Variants in STX18 observed in about 807,000 individuals in gnomAD.
STX18 encodes the protein syntaxin 18.
Under a neutral mutation model 50.1 loss-of-function variants are expected in STX18, and 40 were observed. That is an observed-to-expected ratio of 0.80 (90% confidence interval 0.62 to 1.04). STX18 has a LOEUF of 1.04. Ranked by LOEUF, STX18 falls within the 50% of genes least tolerant of loss-of-function variation. The pLI is 0.00. For synonymous variants in STX18, 158 were observed against 151.8 expected (o/e 1.04, Z -0.30); for missense variants, 410 against 415.8 (o/e 0.99, Z 0.12).
At chr4:4,491,594 T>C (rs1184490151) in intron 1 of STX18, among the ~76,000 whole-genome samples, 2 of 152,128 alleles carry the variant, frequency 1.3e-5, no homozygotes, top group Non-Finnish European at 2.9e-5. Context: ...AGTAAGACAC[T>C]GGAAACGATT....
chr4:4,515,147 T>C (rs1010061443), intron 1 of STX18, among the ~76,000 whole-genome samples: 1 of 152,104 alleles, frequency 6.6e-6, no homozygotes, highest in Non-Finnish European at 1.5e-5. Context: ...TTCCAAAGGA[T>C]AGTGAGACCT....
At chr4:4,441,195 T>G (rs1163701432) in intron 5 of STX18, among the ~76,000 whole-genome samples, 1 of 152,194 alleles carries the variant, frequency 6.6e-6, no homozygotes, top group Non-Finnish European at 1.5e-5. Flanking sequence ...CTGGCCATAT[T>G]CTACTGCCCA....
At chr4:4,435,507 C>T (rs1267684537) in intron 6 of STX18, among the ~76,000 whole-genome samples, 1 of 152,112 alleles carries the variant, frequency 6.6e-6, no homozygotes, top group Non-Finnish European at 1.5e-5. Context: ...TGTTCTAAAA[C>T]TTGCTTTGTA....
chr4:4,500,174 A>G (rs376091214), intron 1 of STX18, among the ~76,000 whole-genome samples: 16 of 152,330 alleles, frequency 1.1e-4, no homozygotes, highest in East Asian at 5.8e-4. Flanking sequence ...GCAAAATATA[A>G]GGAGGAAAAT....
intron 1 of STX18, among the ~76,000 whole-genome samples, chr4:4,495,883 G>A (rs1458962430): frequency 6.6e-6 from 1 of 152,110 alleles, no homozygotes; most frequent in Admixed American, 6.5e-5. Context: ...CAGAGCAGTG[G>A]TACTATCTGT....
At position 4,540,682 on chromosome 4, in the gene STX18, G is replaced by A. The variant is rs1344813141; in HGVS notation, c.168+1115C>T. Among the ~76,000 whole-genome samples the A allele has an allele frequency of 1.3e-5, 2 of 152,100 alleles. 1 individual carries two copies. The highest frequency in any genetic ancestry group is 2.9e-5 in the Non-Finnish European group (2 of 68,026). ...CTTTTACATCATATTACTCTAACAC[G>A]AGGCTGGTCAGAAGGTAGGTGCTTC... is the stretch of plus-strand genomic sequence containing the variant. On this transcript the variant is annotated intron_variant, in intron 1 of 10. Coordinates refer to ENST00000306200, the MANE Select transcript of STX18 (RefSeq NM_016930.4).
intron 2 of STX18, among the ~76,000 whole-genome samples, chr4:4,464,303 T>C (rs1411306538): frequency 2.0e-5 from 3 of 152,056 alleles, no homozygotes; most frequent in Admixed American, 6.5e-5. Flanking sequence ...AGAGCTGGAG[T>C]CTATTCCAGA....
intron 6 of STX18, among the ~76,000 whole-genome samples, chr4:4,438,063 C>T (rs1299612569): frequency 6.6e-6 from 1 of 152,234 alleles, no homozygotes; most frequent in Non-Finnish European, 1.5e-5. Context: ...ACATGCAGGG[C>T]ATGGCTGCCA....
chr4:4,441,860 G>C (rs1726124108), intron 5 of STX18, among the ~76,000 whole-genome samples: 1 of 152,194 alleles, frequency 6.6e-6, no homozygotes, highest in Non-Finnish European at 1.5e-5. Context: ...GAAGGGCACT[G>C]TTTGCAGTTT....
intron 5 of STX18, among the ~76,000 whole-genome samples, chr4:4,448,032 G>C (rs1726524616): frequency 6.6e-6 from 1 of 152,182 alleles, no homozygotes; most frequent in Non-Finnish European, 1.5e-5. Context: ...AAGGGGGAAG[G>C]ACTGAAGGAG....
At chr4:4,534,998 A>T (rs1253598432) in intron 1 of STX18, among the ~76,000 whole-genome samples, 1 of 152,186 alleles carries the variant, frequency 6.6e-6, no homozygotes, top group Admixed American at 6.5e-5. Flanking sequence ...CCTCCTCCAG[A>T]AAAGGGCTCT....
chr4:4,484,401 G>A (rs1039436083), intron 1 of STX18, among the ~76,000 whole-genome samples: 1 of 152,172 alleles, frequency 6.6e-6, no homozygotes, highest in African/African-American at 2.4e-5. Context: ...GAGTCGAGCT[G>A]AATTTACATC....
At chr4:4,494,416 A>G (rs1729075857) in intron 1 of STX18, among the ~76,000 whole-genome samples, 1 of 152,088 alleles carries the variant, frequency 6.6e-6, no homozygotes, top group Non-Finnish European at 1.5e-5. Context: ...GATTTTTCAT[A>G]TCCAAGTCTC....
chr4:4,434,056 A>T (rs1242700006), intron 7 of STX18, among the ~76,000 whole-genome samples: 1 of 152,262 alleles, frequency 6.6e-6, no homozygotes, highest in African/African-American at 2.4e-5. Context: ...AAACTGCTGC[A>T]CACTTAAAAT....
intron 1 of STX18, chr4:4,507,169 A>T: frequency 1.7e-6 from 1 of 573,170 alleles, no homozygotes; most frequent in South Asian, 1.5e-5. Context: ...ACAAGACGGC[A>T]TGACACTCCC....
intron 5 of STX18, among the ~76,000 whole-genome samples, chr4:4,450,564 A>G (rs1053883322): frequency 6.6e-6 from 1 of 152,128 alleles, no homozygotes; most frequent in African/African-American, 2.4e-5. Context: ...TTGGCCTCCT[A>G]AAGTGCTAGG....
At chr4:4,477,701 C>T (rs1728257755) in intron 1 of STX18, among the ~76,000 whole-genome samples, 1 of 152,208 alleles carries the variant, frequency 6.6e-6, no homozygotes, top group South Asian at 2.1e-4. Context: ...CAAATTTACA[C>T]AGAATCCTGG....
intron 8 of STX18, among the ~76,000 whole-genome samples, chr4:4,424,634 GCA>G (rs2108771843): frequency 6.6e-6 from 1 of 152,312 alleles, no homozygotes; most frequent in Admixed American, 6.5e-5. Context: ...AACAGGCTCT[GCA>G]AAGTCCTGGG....
intron 3 of STX18, among the ~76,000 whole-genome samples, chr4:4,458,881 T>C (rs1727219432): frequency 3.9e-5 from 6 of 152,200 alleles, no homozygotes; most frequent in Admixed American, 3.9e-4. Context: ...CTCCAGAGCC[T>C]TCCTCCTAAC....
Sources: gnomAD v4.1 joint callset for allele counts (sites outside exome capture counted in the v4.1 genomes callset) on GRCh38, gnomAD v4.1.1 for gene constraint, MANE v1.5 for transcripts, NCBI Gene and HGNC (gene_info 2026-07-23, HGNC 2026-07-21) for gene names.